Variants in GPC5 observed in about 807,000 individuals in gnomAD.
The protein encoded by GPC5 is glypican-5.
GPC5 carries 47 observed loss-of-function variants against 53.9 expected under a neutral mutation model. The observed-to-expected ratio is 0.87, with a 90% CI of 0.69 to 1.11. The LOEUF is 1.11. GPC5 is among the 50% of genes most tolerant of loss of function. The pLI is 0.00. For synonymous variants in GPC5, 286 were observed against 263.3 expected (o/e 1.09, Z -0.84); for missense variants, 748 against 713.1 (o/e 1.05, Z -0.56).
chr13:91,895,078 A>C (rs1269024047), intron 5 of GPC5, among the ~76,000 whole-genome samples: 2 of 151,634 alleles, frequency 1.3e-5, no homozygotes, highest in Non-Finnish European at 2.9e-5. Context: ...AGGCCTCTAC[A>C]AAAAAGAGAG....
At position 91,399,435 on chromosome 13, in the gene GPC5, G is replaced by A. The variant is rs1594035616; in HGVS notation, c.163+226G>A. On this transcript the variant is annotated intron_variant, in intron 1 of 7. Transcript: ENST00000377067. ...AGCCTGCGACGAATCCCCGTTCTGG[G>A]CATCTGCTTCCCGCCCGGCTCCCTT... Among the ~76,000 whole-genome samples the A allele has an allele frequency of 2.6e-5, 4 of 152,306 alleles. No homozygotes were observed. In the South Asian group the frequency reaches 8.3e-4, roughly 32 times the overall value.
chr13:92,776,698 T>G (rs984174418), intron 7 of GPC5, among the ~76,000 whole-genome samples: 1 of 152,150 alleles, frequency 6.6e-6, no homozygotes, highest in Non-Finnish European at 1.5e-5. Flanking sequence ...TCAATTTTCA[T>G]AACACCCAAT....
At chr13:91,642,181 A>T (rs1425546112) in intron 2 of GPC5, among the ~76,000 whole-genome samples, 1 of 152,228 alleles carries the variant, frequency 6.6e-6, no homozygotes, top group African/African-American at 2.4e-5. Context: ...CAGTGTATAG[A>T]TTAGACCTCT....
In GPC5 at chr13:91,676,273, A is replaced by G. The variant is rs8001964; in HGVS notation, c.326-16914A>G. Among the ~76,000 whole-genome samples the G allele has an allele frequency of 8.8e-3, 1,332 of 151,994 alleles. 16 individuals carry two copies. Among genetic ancestry groups the G allele is most frequent in the African/African-American group, 0.03 (1,239 of 41,460 alleles). Reference sequence around the variant, plus strand: ...TTTAGTAGAGACAGGGTTTCACCACATTGGCCAGGCTGGTCTTGAACTCCT... The same window carrying G: ...TTTAGTAGAGACAGGGTTTCACCACGTTGGCCAGGCTGGTCTTGAACTCCT... On this transcript the variant is annotated intron_variant, in intron 2 of 7. Coordinates refer to ENST00000377067, the MANE Select transcript of GPC5 (RefSeq NM_004466.6).
At chr13:91,841,869 A>G (rs2038791794) in intron 5 of GPC5, among the ~76,000 whole-genome samples, 2 of 152,208 alleles carry the variant, frequency 1.3e-5, no homozygotes, top group African/African-American at 4.8e-5. Context: ...TAATGTGTCA[A>G]GATGTACTGT....
At chr13:92,817,793 C>G (rs1877528519) in intron 7 of GPC5, among the ~76,000 whole-genome samples, 1 of 151,724 alleles carries the variant, frequency 6.6e-6, no homozygotes, top group Admixed American at 6.6e-5. Context: ...CTTTATATGC[C>G]CACTGAGTCT....
At chr13:92,492,502 T>TA (rs965090143) in intron 7 of GPC5, among the ~76,000 whole-genome samples, 14 of 150,924 alleles carry the variant, frequency 9.3e-5, no homozygotes, top group Admixed American at 5.3e-4. Flanking sequence ...TAAAAATATA[T>TA]AAAAAAAGAG....
chr13:91,428,871 T>C (rs543872784), intron 1 of GPC5, among the ~76,000 whole-genome samples: 23 of 151,384 alleles, frequency 1.5e-4, no homozygotes, highest in African/African-American at 5.7e-4. Context: ...TTGTTTTACT[T>C]ATAGTATATT....
chr13:91,901,027 T>C (rs887693079), intron 5 of GPC5, among the ~76,000 whole-genome samples: 35 of 152,208 alleles, frequency 2.3e-4, no homozygotes, highest in Non-Finnish European at 1.5e-5. Context: ...GTTTTTATTA[T>C]ATTTGTTGCA....
chr13:92,064,462 A>G (rs948988328), intron 6 of GPC5, among the ~76,000 whole-genome samples: 5 of 152,310 alleles, frequency 3.3e-5, no homozygotes, highest in South Asian at 2.1e-4. Context: ...TAGAGATTTT[A>G]AAACCTCAGA....
At chr13:92,846,422 TTTTG>T (rs1878614921) in intron 7 of GPC5, among the ~76,000 whole-genome samples, 1 of 152,140 alleles carries the variant, frequency 6.6e-6, no homozygotes, top group Non-Finnish European at 1.5e-5. Flanking sequence ...AAAGTATAGA[TTTTG>T]TTTGGGGGCT....
chr13:92,391,537 C>T (rs1875002985), intron 7 of GPC5, among the ~76,000 whole-genome samples: 1 of 152,048 alleles, frequency 6.6e-6, no homozygotes, highest in Non-Finnish European at 1.5e-5. Context: ...CATTATGATC[C>T]TTCCCAAGTA....
intron 7 of GPC5, among the ~76,000 whole-genome samples, chr13:92,748,683 G>T (rs1203149310): frequency 6.6e-6 from 1 of 151,826 alleles, no homozygotes; most frequent in Non-Finnish European, 1.5e-5. Context: ...ACAAATAGTT[G>T]TTTTTTGTTT....
intron 6 of GPC5, among the ~76,000 whole-genome samples, chr13:92,115,229 C>T (rs1299024687): frequency 6.6e-6 from 1 of 152,184 alleles, no homozygotes; most frequent in African/African-American, 2.4e-5. Context: ...ACAATTCTGG[C>T]CAGGTGTGGT....
intron 7 of GPC5, among the ~76,000 whole-genome samples, chr13:92,409,021 T>A (rs1443098580): frequency 6.6e-6 from 1 of 152,084 alleles, no homozygotes; most frequent in Non-Finnish European, 1.5e-5. Context: ...TTTTGAATAT[T>A]CTTTATAAAT....
At chr13:91,898,443 G>A (rs2039465415) in intron 5 of GPC5, among the ~76,000 whole-genome samples, 1 of 152,042 alleles carries the variant, frequency 6.6e-6, no homozygotes, top group Admixed American at 6.6e-5. Flanking sequence ...CTAGGTCTTC[G>A]CGTATAATTG....
chr13:91,812,890 C>G (rs2138808825), intron 5 of GPC5, among the ~76,000 whole-genome samples: 1 of 152,280 alleles, frequency 6.6e-6, no homozygotes, highest in South Asian at 2.1e-4. Flanking sequence ...TTGCAAGAGT[C>G]TATTGGTAAA....
Position 91,523,961 on chromosome 13 carries a change from A to G in GPC5, c.325+75039A>G, listed in dbSNP as rs1307319371. 3.3e-5 allele frequency among the ~76,000 whole-genome samples: 5 copies of G among 151,974 alleles called. No individual in the cohort carries two copies. The East Asian group carries it at 9.6e-4, about 29-fold the overall frequency. On this transcript the variant is annotated intron_variant, in intron 2 of 7. Transcript: ENST00000377067. ...TGGTTTCTCTTTGCATGAATATATT[A>G]TAATTTTAAAAATATATTAGAAAAC... is the stretch of plus-strand genomic sequence containing the variant.
intron 6 of GPC5, among the ~76,000 whole-genome samples, chr13:91,927,409 C>T (rs987591312): frequency 2.0e-5 from 3 of 152,058 alleles, no homozygotes; most frequent in Non-Finnish European, 4.4e-5. Context: ...GTTTGCTTTT[C>T]TGTGAATGCT....
Sources: gnomAD v4.1 joint callset for allele counts (sites outside exome capture counted in the v4.1 genomes callset) on GRCh38, gnomAD v4.1.1 for gene constraint, MANE v1.5 for transcripts, NCBI Gene and HGNC (gene_info 2026-07-23, HGNC 2026-07-21) for gene names.